TMEM141: variants seen among roughly 807,000 people sequenced by gnomAD.
TMEM141 encodes the protein transmembrane protein 141.
Under a neutral mutation model 15.9 loss-of-function variants are expected in TMEM141, and 18 were observed. The observed-to-expected ratio is 1.13, with a 90% CI of 0.78 to 1.68. The LOEUF (loss-of-function observed/expected upper bound fraction) is 1.68, where lower values mean the gene tolerates loss of function less well. Ranked by LOEUF, TMEM141 falls within the 40% of genes most tolerant of loss-of-function variation. TMEM141 has a pLI of 0.00. For missense variants in TMEM141, 161 were observed against 139.5 expected, an observed-to-expected ratio of 1.15 and a Z score of -0.78; for synonymous variants, 69 against 54.0, an observed-to-expected ratio of 1.28 and a Z score of -1.22.
chr9:136,792,523 G>T (rs977205582), intron 4 of TMEM141, among the ~76,000 whole-genome samples, 165 bp downstream of exon 4: 2 of 152,238 alleles, frequency 1.3e-5, no homozygotes, highest in Admixed American at 6.5e-5. Flanking sequence ...CTGGGGGTGG[G>T]CGCAGTAGAC....
At position 136,791,620 on chromosome 9, in the gene TMEM141, C is replaced by G; in HGVS notation, c.55-91C>G. ...TCCAAGCGCCCAGGGTCTCACTCCT[C>G]CACAGCCAGGGTGTGCCCAGAGGAG... On this transcript the variant is annotated intron_variant, in intron 1 of 4. Transcript: ENST00000290079. 2.5e-6 allele frequency: 4 copies of G among 1,579,532 alleles called. No homozygotes were observed. The South Asian group carries it at 4.7e-5, about 18-fold the overall frequency.
At chr9:136,792,054 T>TGG (rs773827779) in intron 3 of TMEM141, 24 bp downstream of exon 3, 49 of 1,612,780 alleles carry the variant, frequency 3.0e-5, no homozygotes, top group Non-Finnish European at 4.1e-5. Flanking sequence ...GGCCCCTGCC[T>TGG]GGGCTCTTTG....
rs748935526 is a variant in TMEM141 at position 136,792,028 on chromosome 9, TG to T, written c.205+1del. 2.5e-6 allele frequency: 4 copies of T among 1,613,666 alleles called. No homozygotes were observed. Among genetic ancestry groups the T allele is most frequent in the Admixed American group, 3.3e-5 (2 of 59,992 alleles). On this transcript the variant is annotated frameshift_variant and splice_region_variant, in exon 3 of 5. Coordinates refer to ENST00000290079, the MANE Select transcript of TMEM141 (RefSeq NM_032928.4). LOFTEE classifies it high-confidence loss of function. ...TTGCAGTGGAGCCTCCTAGTGGCCG[TG>T]GGTGGGTACTCCAGGGCCCCTGCCT... ...YPLQWSLLVA[V>X]VAGSVVSYGV...
rs1388488990 is a variant in TMEM141 at position 136,792,886 on chromosome 9, G to C, written c.*54G>C. The C allele has an allele frequency of 6.8e-7, 1 of 1,476,992 alleles. No individual in the cohort carries two copies. Among genetic ancestry groups the C allele is most frequent in the African/African-American group, 1.4e-5 (1 of 70,214 alleles). The allele number at this position is 1,476,992 out of a possible 1,614,324, so 91.5% of individuals were successfully genotyped here. ...GGGGGCAGGAGGAGTCTGGAACACA[G>C]CCTTCATGCCCCCTGACCCCAGGCC... On this transcript the variant is annotated 3_prime_UTR_variant, in exon 5 of 5. Transcript: ENST00000290079.
intron 1 of TMEM141, 140 bp downstream of exon 1, chr9:136,791,564 G>A: frequency 6.4e-7 from 1 of 1,563,600 alleles, no homozygotes; most frequent in South Asian, 1.2e-5. Context: ...GGCTCAGGGC[G>A]TCCGGGTGGG....
chr9:136,792,424 C>A, intron 4 of TMEM141, 66 bp downstream of exon 4: 1 of 1,373,414 alleles, frequency 7.3e-7, no homozygotes, highest in Non-Finnish European at 1.0e-6. Context: ...TTTTGGGCAG[C>A]CAAGCCTGGG....
At chr9:136,792,460 GTCCC>G in intron 4 of TMEM141, 102 bp downstream of exon 4, 2 of 989,180 alleles carry the variant, frequency 2.0e-6, no homozygotes, top group Non-Finnish European at 3.0e-6. Flanking sequence ...GCTAGACAAG[GTCCC>G]TCCCTCTGGC....
intron 2 of TMEM141, 27 bp downstream of exon 2, chr9:136,791,804 C>T (rs750008466): frequency 6.2e-7 from 1 of 1,611,046 alleles, no homozygotes; most frequent in South Asian, 1.1e-5. Flanking sequence ...TGTCCTGCGG[C>T]TGGGAGAGAA....
intron 2 of TMEM141, 75 bp from the exon 3 acceptor site, chr9:136,791,872 A>G (rs1307538056): frequency 6.2e-7 from 1 of 1,610,370 alleles, no homozygotes; most frequent in Non-Finnish European, 8.5e-7. Context: ...ACCTGCCCGC[A>G]GGTGCTGGGG....
chr9:136,792,116 G>T, intron 3 of TMEM141, 86 bp downstream of exon 3: 1 of 1,571,042 alleles, frequency 6.4e-7, no homozygotes. Flanking sequence ...CCCTGACTCT[G>T]ACATGGAGCC....
intron 1 of TMEM141, 66 bp downstream of exon 1, chr9:136,791,490 CG>C: frequency 6.5e-7 from 1 of 1,547,468 alleles, no homozygotes; most frequent in South Asian, 1.2e-5. Context: ...GGCGGGGGGC[CG>C]GGGCGTGGGG....
In TMEM141 at chr9:136,791,788, T is replaced by A; in HGVS notation, c.121+11T>A. ...TCACCTTCGTCACAGGTAGGCTGCG[T>A]CCAGGTGTCCTGCGGCTGGGAGAGA... On this transcript the variant is annotated intron_variant, in intron 2 of 4. Transcript: ENST00000290079. 1.2e-6 allele frequency: 2 copies of A among 1,612,646 alleles called. No individual in the cohort carries two copies. Among genetic ancestry groups the A allele is most frequent in the Non-Finnish European group, 1.7e-6 (2 of 1,179,570 alleles).
chr9:136,792,108 C>T (rs1847597289), intron 3 of TMEM141, 78 bp downstream of exon 3: 33 of 1,576,658 alleles, frequency 2.1e-5, no homozygotes, highest in Non-Finnish European at 1.4e-5. Flanking sequence ...TTCTGCGTCC[C>T]TGACTCTGAC....
In TMEM141 at chr9:136,791,754, A is replaced by AG. The variant is rs781766935; in HGVS notation, c.101dup (p.Val35ArgfsTer108). ...GCATGCCAGTCACACGCCTTCATGAAGGGCGTTTTCACCTTCGTCACAGGT... is the reference window on the plus strand; with the variant it reads ...GCATGCCAGTCACACGCCTTCATGAAGGGGCGTTTTCACCTTCGTCACAGGT... On this transcript the variant is annotated frameshift_variant, in exon 2 of 5. Coordinates refer to ENST00000290079, the MANE Select transcript of TMEM141 (RefSeq NM_032928.4). LOFTEE classifies it high-confidence loss of function. The AG allele has an allele frequency of 1.2e-6, 2 of 1,613,540 alleles. No individual in the cohort carries two copies. The highest frequency in any genetic ancestry group is 2.2e-5 in the South Asian group (2 of 91,078).
intron 3 of TMEM141, 81 bp from the exon 4 acceptor site, chr9:136,792,170 T>C: frequency 6.7e-7 from 1 of 1,498,610 alleles, no homozygotes. Flanking sequence ...CCACCACGTC[T>C]GTCAGGAAGT....
chr9:136,792,124 GC>G, intron 3 of TMEM141, 94 bp downstream of exon 3: 1 of 1,555,404 alleles, frequency 6.4e-7, no homozygotes. Context: ...CTGACATGGA[GC>G]CCCAGGTCTC....
chr9:136,791,466 G>A (rs1178845956), intron 1 of TMEM141, 42 bp downstream of exon 1: 2 of 1,550,870 alleles, frequency 1.3e-6, no homozygotes, highest in East Asian at 2.4e-5. Context: ...AACCCCAGAA[G>A]CTGACCTGAG....
chr9:136,793,185 C>T lies in TMEM141; in HGVS notation c.*353C>T, dbSNP rs1010637156. The stretch of plus-strand genomic sequence containing the variant: ...TCTGTCATTTCCTTTCTAGCCCCTG[C>T]ATCTCCAACAAGTCCAAGGTGACAG... On this transcript the variant is annotated 3_prime_UTR_variant, in exon 5 of 5. Transcript: ENST00000290079. 1 of 181,242 alleles carries T rather than the reference C, an allele frequency of 5.5e-6. No homozygotes were observed. The highest frequency in any genetic ancestry group is 1.3e-4 in the East Asian group (1 of 7,946). 11.2% of individuals were successfully genotyped at this position (181,242 alleles called of 1,614,324 possible). A position where few individuals can be genotyped will look rare whatever the true frequency, so the allele number is the denominator to read the frequency against.
At chr9:136,791,487 G>A in intron 1 of TMEM141, 63 bp downstream of exon 1, 2 of 1,548,472 alleles carry the variant, frequency 1.3e-6, no homozygotes, top group Non-Finnish European at 1.7e-6. Context: ...CGAGGCGGGG[G>A]GCCGGGGCGT....
Sources: gnomAD v4.1 joint callset for allele counts (sites outside exome capture counted in the v4.1 genomes callset) on GRCh38, gnomAD v4.1.1 for gene constraint, MANE v1.5 for transcripts, NCBI Gene and HGNC (gene_info 2026-07-23, HGNC 2026-07-21) for gene names.